Variants in BTBD7 observed in about 807,000 individuals in gnomAD.
BTBD7 encodes the protein BTB/POZ domain-containing protein 7.
BTBD7 carries 38 observed loss-of-function variants against 99.9 expected under a neutral mutation model. The observed-to-expected ratio is 0.38, with a 90% confidence interval of 0.29 to 0.50. The LOEUF is 0.50. Ranked by LOEUF, BTBD7 falls within the 20% of genes least tolerant of loss-of-function variation. The pLI, the probability that BTBD7 is intolerant of heterozygous loss-of-function variation, is 0.93. For missense variants in BTBD7, 1,170 were observed against 1,394.6 expected (o/e 0.84, Z 2.57); for synonymous variants, 520 against 511.4 (o/e 1.02, Z -0.23).
chr14:93,329,967 T>G (rs1428851190), intron 1 of BTBD7, among the ~76,000 whole-genome samples: 4 of 152,184 alleles, frequency 2.6e-5, no homozygotes, highest in Non-Finnish European at 5.9e-5. Context: ...GTATGTGGAT[T>G]TTACCACAAT....
chr14:93,253,702 T>C lies in BTBD7; in HGVS notation c.1697A>G (p.Asn566Ser), dbSNP rs775236382. 1.9e-6 allele frequency: 3 copies of C among 1,612,090 alleles called. No individual in the cohort carries two copies. The highest frequency in any genetic ancestry group is 2.5e-6 in the Non-Finnish European group (3 of 1,178,746). ...GKSNAWLRQK[N>S]AGIYVRPRLF... is the part of the protein sequence containing the mutation. ...TCGAGGACGAACATAGATGCCAGCA[T>C]TTTTTTGCCGTAACCAGGCATTTGA... Residue 566 changes from asparagine (N) to serine (S), a missense_variant, in exon 7 of 11, where the codon AAT becomes AGT. Physicochemically the swap from Asn to Ser is conservative, Grantham distance 46 (BLOSUM62 1). Transcript: ENST00000334746.
At chr14:93,286,991 A>ACTTTGGGAGG (rs139473381) in intron 3 of BTBD7, among the ~76,000 whole-genome samples, 32,773 of 151,742 alleles carry the variant, frequency 0.22, 5,701 homozygotes, top group African/African-American at 0.48. Flanking sequence ...TAATACCAGC[A>ACTTTGGGAGG]CTGAGGCGGG....
chr14:93,308,556 C>A (rs2053099097), intron 1 of BTBD7, among the ~76,000 whole-genome samples: 1 of 152,114 alleles, frequency 6.6e-6, no homozygotes, highest in Non-Finnish European at 1.5e-5. Flanking sequence ...TGTACACCCA[C>A]GTTCATAGCA....
intron 7 of BTBD7, among the ~76,000 whole-genome samples, chr14:93,253,307 C>T (rs146856178): frequency 0.017 from 2,548 of 152,254 alleles, 77 homozygotes; most frequent in African/African-American, 0.059. Flanking sequence ...GGGCAATCTT[C>T]TTTCAGAACA....
rs755038079 is a variant in BTBD7, at chr14:93,242,861, T to G, written c.2811A>C (p.Glu937Asp). The G allele has an allele frequency of 6.2e-7, 1 of 1,614,148 alleles. No homozygotes were observed. Among genetic ancestry groups the G allele is most frequent in the Non-Finnish European group, 8.5e-7 (1 of 1,180,028 alleles). The change falls in exon 11 of 11, where the codon GAA (glutamate) becomes GAC (aspartate). Residue 937 changes from glutamate to aspartate, a missense_variant. By Grantham distance (45) the Glu-to-Asp change is conservative. This residue lies in a region of BTBD7 where 495 missense variants were observed against 525.9 expected (regional missense o/e 0.94). Transcript: ENST00000334746. ...AGAAATCCGGATATTCCTGTGGATT[T>G]TCTCTGGTGTCTGTTTTTTGCTCTA... ...HTLEQKTDTR[E>D]NPQEYPDFYD...
rs1462028697 is a variant in BTBD7, at chr14:93,253,831, A to G, written c.1609-41T>C. The G allele has an allele frequency of 3.7e-5, 36 of 976,502 alleles. No individual in the cohort carries two copies. The Admixed American group carries it at 9.4e-4, about 26-fold the overall frequency. The allele number at this position is 976,502 out of a possible 1,614,324, so 60.5% of individuals were successfully genotyped here. A position where few individuals can be genotyped will look rare whatever the true frequency, so the allele number is the denominator to read the frequency against. ...TTTTTTAGATAGAAATCTGTGTAGT[A>G]CTATAATACTACTAAGATAAATAAA... On this transcript the variant is annotated intron_variant, in intron 6 of 10. Transcript: ENST00000334746.
At chr14:93,247,973 T>G (rs2052331244) in intron 9 of BTBD7, among the ~76,000 whole-genome samples, 1 of 152,192 alleles carries the variant, frequency 6.6e-6, no homozygotes, top group South Asian at 2.1e-4. Flanking sequence ...GTGAAAGGTG[T>G]GTAAGTGAGG....
intron 1 of BTBD7, among the ~76,000 whole-genome samples, chr14:93,331,783 A>G (rs535594536): frequency 2.0e-5 from 3 of 151,962 alleles, no homozygotes; most frequent in African/African-American, 7.3e-5. Flanking sequence ...TGGGAGGCTG[A>G]GACAGGAGAA....
At chr14:93,280,225 T>C (rs1168441625) in intron 3 of BTBD7, among the ~76,000 whole-genome samples, 1 of 152,198 alleles carries the variant, frequency 6.6e-6, no homozygotes, top group Non-Finnish European at 1.5e-5. Flanking sequence ...TGCTCATAAT[T>C]AGATACAAGC....
At chr14:93,296,746 T>C (rs1200637786) in intron 1 of BTBD7, among the ~76,000 whole-genome samples, 1 of 152,190 alleles carries the variant, frequency 6.6e-6, no homozygotes, top group Non-Finnish European at 1.5e-5. Flanking sequence ...AAAGAAGTTA[T>C]TATACACATT....
At position 93,242,214 on chromosome 14, in the gene BTBD7, G is replaced by A; in HGVS notation, c.*59C>T. ...TGATGAACTGGTCTGTAAGTTGTTGGGTTACATCATAAAATGGGATGTTTC... is the reference window on the plus strand; with the variant it reads ...TGATGAACTGGTCTGTAAGTTGTTGAGTTACATCATAAAATGGGATGTTTC... On this transcript the variant is annotated 3_prime_UTR_variant, in exon 11 of 11. Transcript: ENST00000334746. The A allele has an allele frequency of 6.7e-7, 1 of 1,489,454 alleles. No individual in the cohort carries two copies. 92.3% of individuals were successfully genotyped at this position (1,489,454 alleles called of 1,614,324 possible).
chr14:93,276,511 TA>T (rs1168762853), intron 3 of BTBD7, among the ~76,000 whole-genome samples: 55 of 151,970 alleles, frequency 3.6e-4, no homozygotes, highest in East Asian at 1.9e-4. Context: ...AAAGTTAAAT[TA>T]AAAAAAAGTA....
chr14:93,242,864 T>C lies in BTBD7; in HGVS notation c.2808A>G (p.Arg936=). 1 of 1,614,140 alleles carries C rather than the reference T, an allele frequency of 6.2e-7. No individual in the cohort carries two copies. Among genetic ancestry groups the C allele is most frequent in the Non-Finnish European group, 8.5e-7 (1 of 1,180,032 alleles). ...AATCCGGATATTCCTGTGGATTTTC[T>C]CTGGTGTCTGTTTTTTGCTCTAGTG... ...KHTLEQKTDT[R]ENPQEYPDFY... Residue 936 remains arginine, a synonymous_variant, in exon 11 of 11, where the codon AGA becomes AGG. Transcript: ENST00000334746.
Position 93,257,107 on chromosome 14 carries a change from T to C in BTBD7, c.1608+88A>G. On this transcript the variant is annotated intron_variant, in intron 6 of 10. Coordinates refer to ENST00000334746, the MANE Select transcript of BTBD7 (RefSeq NM_001002860.4). ...AGAATTACAGCTTCACAATACTCTATTAGTAGCAGAAATTATTTACAATGA... is the reference window on the plus strand; with the variant it reads ...AGAATTACAGCTTCACAATACTCTACTAGTAGCAGAAATTATTTACAATGA... 5 of 1,323,884 alleles carry C rather than the reference T, an allele frequency of 3.8e-6. No individual in the cohort carries two copies. The South Asian group carries it at 5.3e-5, about 14-fold the overall frequency. The allele number at this position is 1,323,884 out of a possible 1,614,324, so 82.0% of individuals were successfully genotyped here.
At chr14:93,255,275 A>G (rs1595290287) in intron 6 of BTBD7, among the ~76,000 whole-genome samples, 1 of 152,050 alleles carries the variant, frequency 6.6e-6, no homozygotes, top group East Asian at 1.9e-4. Context: ...TTTCTCAGGT[A>G]GCTGGGACTA....
At chr14:93,275,901 C>T (rs767430766) in intron 3 of BTBD7, among the ~76,000 whole-genome samples, 1 of 152,176 alleles carries the variant, frequency 6.6e-6, no homozygotes, top group Non-Finnish European at 1.5e-5. Context: ...AGAAACGTAT[C>T]TTTCAAGTCT....
intron 3 of BTBD7, among the ~76,000 whole-genome samples, chr14:93,270,770 T>C (rs1438773566): frequency 6.6e-6 from 1 of 152,082 alleles, no homozygotes; most frequent in Non-Finnish European, 1.5e-5. Context: ...AGGCATTTAA[T>C]GGATAAAAGG....
rs573327386 is a variant in BTBD7, at chr14:93,321,286, A to G, written c.-107+11534T>C. On this transcript the variant is annotated intron_variant, in intron 1 of 10. Coordinates refer to ENST00000334746, the MANE Select transcript of BTBD7 (RefSeq NM_001002860.4). ...TATAACAATGAACAAGACAGGCATA[A>G]TTTTTCCTCCAAAGGTGCTTCTTTT... 9.2e-5 allele frequency among the ~76,000 whole-genome samples: 14 copies of G among 152,240 alleles called. No individual in the cohort carries two copies. The East Asian group carries it at 2.7e-3, about 29-fold the overall frequency.
intron 1 of BTBD7, among the ~76,000 whole-genome samples, chr14:93,313,284 T>C (rs779954831): frequency 1.1e-4 from 16 of 152,290 alleles, no homozygotes; most frequent in East Asian, 1.9e-4. Context: ...CCACCAAAAA[T>C]AGTCAAGTCA....
Sources: gnomAD v4.1 joint callset for allele counts (sites outside exome capture counted in the v4.1 genomes callset) on GRCh38, gnomAD v4.1.1 for gene constraint, gnomAD v4.1.1 regional missense constraint, MANE v1.5 for transcripts, NCBI Gene and HGNC (gene_info 2026-07-23, HGNC 2026-07-21) for gene names.